The following TYW1 variants were observed in gnomAD, a reference collection of about 807,000 sequenced individuals.
The protein encoded by TYW1 is S-adenosyl-L-methionine-dependent tRNA 4-demethylwyosine synthase TYW1.
A neutral mutation model predicts 96.2 loss-of-function variants in TYW1; 46 were observed. The ratio of observed to expected loss-of-function variants is 0.48; its 90% confidence interval spans 0.38 to 0.61. The LOEUF (loss-of-function observed/expected upper bound fraction) is 0.61. TYW1 is among the 20% of genes least tolerant of loss of function. The pLI, the probability that TYW1 is intolerant of heterozygous loss-of-function variation, is 0.00. For synonymous variants in TYW1, 274 were observed against 323.0 expected (o/e 0.85, Z 1.63); for missense variants, 684 against 909.6 (o/e 0.75, Z 3.19).
At chr7:67,081,336 C>T (rs1005697492) in intron 10 of TYW1, among the ~76,000 whole-genome samples, 8 of 149,350 alleles carry the variant, frequency 5.4e-5, no homozygotes, top group East Asian at 2.0e-4. Flanking sequence ...TTACATGTGA[C>T]GTGATGCTTT....
intron 13 of TYW1, among the ~76,000 whole-genome samples, chr7:67,151,051 CTTTT>C (rs77369502): frequency 1.4e-5 from 2 of 142,746 alleles, no homozygotes; most frequent in Admixed American, 6.9e-5. Context: ...TATTCTTCTT[CTTTT>C]TTTTTTTTTT....
chr7:67,173,098 C>A (rs1166305710), intron 13 of TYW1, among the ~76,000 whole-genome samples: 1 of 152,124 alleles, frequency 6.6e-6, no homozygotes, highest in Non-Finnish European at 1.5e-5. Flanking sequence ...ACTCCTAATA[C>A]AATTAACAAT....
chr7:67,032,301 G>C (rs1342694937), intron 7 of TYW1, among the ~76,000 whole-genome samples: 1 of 152,088 alleles, frequency 6.6e-6, no homozygotes, highest in Non-Finnish European at 1.5e-5. Context: ...TTTGGGAGCA[G>C]CTGCGGGGAG....
chr7:67,014,282 G>T, intron 4 of TYW1, 85 bp from the exon 5 acceptor site: 2 of 1,495,626 alleles, frequency 1.3e-6, no homozygotes, highest in Non-Finnish European at 1.8e-6. Flanking sequence ...TCTTTGAGAT[G>T]AGTATGCTTT....
intron 13 of TYW1, among the ~76,000 whole-genome samples, chr7:67,123,444 A>G (rs1797820357): frequency 6.6e-6 from 1 of 152,196 alleles, no homozygotes; most frequent in Admixed American, 6.5e-5. Context: ...TCCTTAGTAA[A>G]CTGGTTCCCT....
intron 14 of TYW1, among the ~76,000 whole-genome samples, chr7:67,188,153 C>T (rs1800087630): frequency 1.3e-5 from 2 of 152,048 alleles, no homozygotes; most frequent in African/African-American, 4.8e-5. Flanking sequence ...AACCCTGTCT[C>T]TACTAAAAAT....
intron 13 of TYW1, among the ~76,000 whole-genome samples, chr7:67,157,239 G>A (rs1392715771): frequency 1.3e-5 from 2 of 152,116 alleles, no homozygotes; most frequent in East Asian, 1.9e-4. Context: ...TATTGTTAAC[G>A]TTTTACATTA....
In TYW1 at chr7:67,049,895, A is replaced by C. The variant is rs1223981222; in HGVS notation, c.985-54A>C. 11 of 1,605,120 alleles carry C rather than the reference A, an allele frequency of 6.9e-6. No homozygotes were observed. The East Asian group carries it at 2.5e-4, about 36-fold the overall frequency. The stretch of plus-strand genomic sequence containing the variant: ...GCTAGGTGTTCATGATTGTGCTGTT[A>C]TTTACATTGCACATTACCAATTCTG... On this transcript the variant is annotated intron_variant, in intron 7 of 15. Coordinates refer to ENST00000359626, the MANE Select transcript of TYW1 (RefSeq NM_018264.4).
chr7:67,061,330 A>C (rs1476363369), intron 9 of TYW1, among the ~76,000 whole-genome samples: 1 of 152,238 alleles, frequency 6.6e-6, no homozygotes, highest in African/African-American at 2.4e-5. Flanking sequence ...AATCTAGTCC[A>C]GTCTACACGT....
rs1382103824 is a variant in TYW1 at position 67,072,954 on chromosome 7, T to A, written c.1274+5551T>A. On this transcript the variant is annotated intron_variant, in intron 10 of 15. Coordinates refer to ENST00000359626, the MANE Select transcript of TYW1 (RefSeq NM_018264.4). Reference sequence around the variant, plus strand: ...ATCCAGTTTTTTTTTTTTTTTTTTTTTTTTTTTTTTATAGAGACAGGGTCT... The same window carrying A: ...ATCCAGTTTTTTTTTTTTTTTTTTTATTTTTTTTTTATAGAGACAGGGTCT... Among the ~76,000 whole-genome samples the A allele has an allele frequency of 4.8e-4, 63 of 130,060 alleles. 1 individual carries two copies. In the South Asian group the frequency reaches 0.015, roughly 31 times the overall value. 85.3% of individuals were successfully genotyped at this position (130,060 alleles called of 152,430 possible).
chr7:67,007,328 C>G (rs1438496957), intron 3 of TYW1, among the ~76,000 whole-genome samples: 2 of 152,168 alleles, frequency 1.3e-5, no homozygotes, highest in African/African-American at 4.8e-5. Context: ...GCCACTTGCT[C>G]AAGCCTGCTT....
intron 10 of TYW1, among the ~76,000 whole-genome samples, chr7:67,075,853 T>C (rs1433022357): frequency 6.6e-6 from 1 of 152,152 alleles, no homozygotes; most frequent in Non-Finnish European, 1.5e-5. Context: ...AAAGAGACTT[T>C]CCTCCCCATC....
At chr7:67,156,234 GC>G (rs1226837370) in intron 13 of TYW1, among the ~76,000 whole-genome samples, 5 of 152,192 alleles carry the variant, frequency 3.3e-5, no homozygotes, top group African/African-American at 9.6e-5. Context: ...GTGTTCTTAG[GC>G]CCCAGGCAGT....
At chr7:67,089,284 C>G (rs1796641528) in intron 11 of TYW1, 5 of 1,381,014 alleles carry the variant, frequency 3.6e-6, no homozygotes. Flanking sequence ...AACCAGGCTC[C>G]TTGTCCCCTC....
At chr7:67,072,555 C>T (rs1029129470) in intron 10 of TYW1, among the ~76,000 whole-genome samples, 1 of 151,944 alleles carries the variant, frequency 6.6e-6, no homozygotes, top group Non-Finnish European at 1.5e-5. Flanking sequence ...CCCCTCTCTA[C>T]CCACTTTTAA....
At chr7:67,060,882 T>C (rs1446648685) in intron 9 of TYW1, among the ~76,000 whole-genome samples, 1 of 152,236 alleles carries the variant, frequency 6.6e-6, no homozygotes, top group Non-Finnish European at 1.5e-5. Context: ...GGCAGTTGGG[T>C]GAACCTTTTT....
intron 7 of TYW1, among the ~76,000 whole-genome samples, chr7:67,042,314 A>C (rs919865359): frequency 6.7e-6 from 1 of 150,178 alleles, no homozygotes; most frequent in Non-Finnish European, 1.5e-5. Flanking sequence ...TTGGTATTCT[A>C]CCTCCCTCCC....
intron 13 of TYW1, among the ~76,000 whole-genome samples, chr7:67,140,034 G>T (rs1468028401): frequency 6.6e-6 from 1 of 151,800 alleles, no homozygotes; most frequent in Non-Finnish European, 1.5e-5. Context: ...ATGATGGAAG[G>T]CAAGGAGGAG....
rs561111645 is a variant in TYW1, at chr7:67,058,754, T to G, written c.1155+2867T>G. Among the ~76,000 whole-genome samples the G allele has an allele frequency of 6.6e-5, 10 of 152,188 alleles. No individual in the cohort carries two copies. In the East Asian group the frequency reaches 1.9e-3, roughly 29 times the overall value. ...GCCTCTGAAAGTGCTGGGATTATAG[T>G]CATGAGCCACTGTGCCTGGCCCCAT... On this transcript the variant is annotated intron_variant, in intron 9 of 15. Transcript: ENST00000359626.
Sources: gnomAD v4.1 joint callset for allele counts (sites outside exome capture counted in the v4.1 genomes callset) on GRCh38, gnomAD v4.1.1 for gene constraint, MANE v1.5 for transcripts, NCBI Gene and HGNC (gene_info 2026-07-23, HGNC 2026-07-21) for gene names.